STARD13: variants seen among roughly 807,000 people sequenced by gnomAD.
The protein encoded by STARD13 is StAR related lipid transfer domain containing 13.
STARD13 carries 62 observed loss-of-function variants against 106.4 expected under a neutral mutation model. The observed-to-expected ratio is 0.58, with a 90% CI of 0.48 to 0.72. The LOEUF (loss-of-function observed/expected upper bound fraction) is 0.72. Ranked by LOEUF, STARD13 falls within the 30% of genes least tolerant of loss-of-function variation. The probability of loss-of-function intolerance (pLI) is 0.00; values close to 1 mark genes in which losing one functional copy is unlikely to be tolerated. For synonymous variants in STARD13, 565 were observed against 553.0 expected (o/e 1.02, Z -0.31); for missense variants, 1,387 against 1,424.0 (o/e 0.97, Z 0.42).
chr13:33,586,321 G>C, the STARD13 span, among the ~76,000 whole-genome samples: 5 of 151,936 alleles, frequency 3.3e-5, no homozygotes. Context: ...TTATCCCAGG[G>C]TTATCGCCCT....
chr13:33,574,124 C>T, the STARD13 span, among the ~76,000 whole-genome samples: 4 of 152,076 alleles, frequency 2.6e-5, no homozygotes, highest in African/African-American at 4.8e-5. Flanking sequence ...CATACAGGGG[C>T]GCTGAGTGTG....
intron 1 of STARD13, among the ~76,000 whole-genome samples, chr13:33,187,171 A>T (rs1566060741): frequency 6.6e-6 from 1 of 152,184 alleles, no homozygotes; most frequent in Non-Finnish European, 1.5e-5. Context: ...GTTTAAGAGC[A>T]TTGACCTGGG....
the STARD13 span, among the ~76,000 whole-genome samples, chr13:33,623,413 T>C: frequency 1.7e-5 from 2 of 119,978 alleles, no homozygotes; most frequent in African/African-American, 6.6e-5. Context: ...AATGATAAAT[T>C]GAACCTCAAT....
At chr13:33,446,628 C>T in the STARD13 span, among the ~76,000 whole-genome samples, 1 of 152,110 alleles carries the variant, frequency 6.6e-6, no homozygotes, top group African/African-American at 2.4e-5. Context: ...TTCAGTTTCA[C>T]CTATGATATA....
the STARD13 span, among the ~76,000 whole-genome samples, chr13:33,454,604 G>A: frequency 6.6e-6 from 1 of 152,096 alleles, no homozygotes; most frequent in Non-Finnish European, 1.5e-5. Context: ...TACGACCTGA[G>A]GCTTCTGATT....
rs1461247675 is a variant in STARD13, at chr13:33,233,191, T to G, written c.169+52279A>C. 3.3e-5 allele frequency among the ~76,000 whole-genome samples: 5 copies of G among 152,364 alleles called. No homozygotes were observed. The South Asian group carries it at 8.3e-4, about 25-fold the overall frequency. On this transcript the variant is annotated intron_variant, in intron 1 of 13. Transcript: ENST00000336934. ...GAAAGTCAAGCTACAAGTTAAATCC[T>G]CGGATTGGACTGAGAGCTTGTCTTC...
chr13:33,167,463 A>T (rs1883452281), intron 2 of STARD13, 88 bp downstream of exon 2: 4 of 1,408,194 alleles, frequency 2.8e-6, no homozygotes, highest in Non-Finnish European at 4.0e-6. Context: ...GAGAAAAAAA[A>T]ATCTGGAAGT....
At position 33,269,561 on chromosome 13, in the gene STARD13, G is replaced by A. The variant is rs181768785; in HGVS notation, c.169+15909C>T. On this transcript the variant is annotated intron_variant, in intron 1 of 13. Transcript: ENST00000336934. Reference sequence around the variant, plus strand: ...GGAATAGCCAGCCACACAAAATCACGGCCTTAGGCAGTAAGCCCAATTGAC... The same window carrying A: ...GGAATAGCCAGCCACACAAAATCACAGCCTTAGGCAGTAAGCCCAATTGAC... Among the ~76,000 whole-genome samples the A allele has an allele frequency of 2.6e-5, 4 of 152,092 alleles. No individual in the cohort carries two copies. In the East Asian group the frequency reaches 7.7e-4, roughly 29 times the overall value.
chr13:33,552,460 T>C, the STARD13 span, among the ~76,000 whole-genome samples: 2 of 152,138 alleles, frequency 1.3e-5, no homozygotes. Flanking sequence ...AACAGATAAA[T>C]GAGAAACCAC....
At chr13:33,202,887 G>C (rs998429524) in intron 1 of STARD13, among the ~76,000 whole-genome samples, 46 of 152,218 alleles carry the variant, frequency 3.0e-4, no homozygotes, top group African/African-American at 1.1e-3. Context: ...GACCTCTGGG[G>C]GCTCCAAAGA....
At chr13:33,479,286 A>G in the STARD13 span, among the ~76,000 whole-genome samples, 1 of 152,222 alleles carries the variant, frequency 6.6e-6, no homozygotes, top group Admixed American at 6.5e-5. Flanking sequence ...TGGGAATGCA[A>G]ACACGGCATA....
chr13:33,153,178 T>C (rs935456441), intron 3 of STARD13, among the ~76,000 whole-genome samples: 5 of 152,122 alleles, frequency 3.3e-5, no homozygotes, highest in Non-Finnish European at 7.4e-5. Context: ...ATTTAACAAA[T>C]GTTTATGGAA....
intron 1 of STARD13, among the ~76,000 whole-genome samples, chr13:33,201,040 AAAATAAACAAAT>A (rs983022975): frequency 4.2e-5 from 6 of 142,860 alleles, no homozygotes; most frequent in African/African-American, 1.3e-4. Context: ...ATAAAAAATA[AAAATAAACAAAT>A]AAATAAACAA....
intron 1 of STARD13, among the ~76,000 whole-genome samples, chr13:33,293,547 A>G (rs1271799593): frequency 6.6e-6 from 1 of 152,146 alleles, no homozygotes; most frequent in African/African-American, 2.4e-5. Flanking sequence ...AAATACTGTG[A>G]TGGTTAATAC....
the STARD13 span, among the ~76,000 whole-genome samples, chr13:33,564,719 C>T: frequency 6.1e-5 from 9 of 146,690 alleles, 2 homozygotes; most frequent in Middle Eastern, 6.5e-3. Flanking sequence ...TCCAGGTGGG[C>T]GCGGTGGCTC....
the STARD13 span, among the ~76,000 whole-genome samples, chr13:33,499,614 TTC>T: frequency 1.9e-4 from 15 of 79,010 alleles, no homozygotes; most frequent in African/African-American, 7.7e-4. Flanking sequence ...TTTCTTCTTC[TTC>T]TTCTTCTTCT....
At chr13:33,121,405 A>C (rs1180858262) in intron 7 of STARD13, among the ~76,000 whole-genome samples, 1 of 151,726 alleles carries the variant, frequency 6.6e-6, no homozygotes, top group Non-Finnish European at 1.5e-5. Flanking sequence ...CGTCTCTACT[A>C]AAAAATACAA....
At chr13:33,647,357 C>T in the STARD13 span, among the ~76,000 whole-genome samples, 1 of 152,156 alleles carries the variant, frequency 6.6e-6, no homozygotes, top group Non-Finnish European at 1.5e-5. Context: ...GTAGAAAAAG[C>T]ATATATTTAA....
At chr13:33,391,744 TC>T in the STARD13 span, among the ~76,000 whole-genome samples, 1 of 152,050 alleles carries the variant, frequency 6.6e-6, no homozygotes, top group African/African-American at 2.4e-5. Flanking sequence ...TGATGACTCT[TC>T]TCTGCATGGG....
Sources: gnomAD v4.1 joint callset for allele counts (sites outside exome capture counted in the v4.1 genomes callset) on GRCh38, gnomAD v4.1.1 for gene constraint, MANE v1.5 for transcripts, NCBI Gene and HGNC (gene_info 2026-07-23, HGNC 2026-07-21) for gene names.